The following CACNB1 variants were observed in gnomAD, a reference collection of about 807,000 sequenced individuals.
The protein encoded by CACNB1 is voltage-dependent L-type calcium channel subunit beta-1.
CACNB1 carries 29 observed loss-of-function variants against 71.6 expected under a neutral mutation model. That is an observed-to-expected ratio of 0.40 (90% CI 0.30 to 0.55). CACNB1 has a LOEUF of 0.55. Among genes scored for constraint, CACNB1 ranks in the 20% least tolerant of loss-of-function variants. CACNB1 has a pLI of 0.38. For synonymous variants in CACNB1, 300 were observed against 319.6 expected (o/e 0.94, Z 0.65); for missense variants, 623 against 801.8 (o/e 0.78, Z 2.69).
intron 4 of CACNB1, 152 bp downstream of exon 4, chr17:39,187,327 A>T (rs2045965722): frequency 3.4e-6 from 3 of 878,766 alleles, no homozygotes; most frequent in Non-Finnish European, 5.2e-6. Flanking sequence ...TTCCAGTAGA[A>T]AATTAAGAGG....
intron 12 of CACNB1, 39 bp from the exon 13 acceptor site, chr17:39,177,574 G>A: frequency 6.5e-7 from 1 of 1,526,796 alleles, no homozygotes. Flanking sequence ...TGGGATGAGT[G>A]GGGCATGGCC....
At chr17:39,180,441 G>A (rs1187368814) in intron 11 of CACNB1, among the ~76,000 whole-genome samples, 1 of 151,804 alleles carries the variant, frequency 6.6e-6, no homozygotes, top group Non-Finnish European at 1.5e-5. Context: ...GATCTTTTGA[G>A]GTCGGGAGTT....
At chr17:39,177,043 T>A in intron 13 of CACNB1, 1 of 1,224,710 alleles carries the variant, frequency 8.2e-7, no homozygotes, top group Non-Finnish European at 1.1e-6. Flanking sequence ...AGGCCTCATA[T>A]CCAGCGGGCA....
chr17:39,183,879 T>A lies in CACNB1; in HGVS notation c.899-15A>T. The A allele has an allele frequency of 1.2e-6, 2 of 1,608,722 alleles. No individual in the cohort carries two copies. The highest frequency in any genetic ancestry group is 3.3e-5 in the Admixed American group (2 of 59,812). On this transcript the variant is annotated splice_polypyrimidine_tract_variant and intron_variant, in intron 10 of 13. Transcript: ENST00000394303. ...CTGCACCTCAGCTGGGGGCATGGAG[T>A]CATGTGGATGGGGGAATGTCAGGTG...
At chr17:39,196,833 G>A (rs1219722696) in intron 1 of CACNB1, among the ~76,000 whole-genome samples, 1 of 152,018 alleles carries the variant, frequency 6.6e-6, no homozygotes, top group Non-Finnish European at 1.5e-5. Flanking sequence ...GGGGAGGGGA[G>A]CAGGTCCGAC....
intron 3 of CACNB1, among the ~76,000 whole-genome samples, chr17:39,189,826 G>T (rs1421242431): frequency 2.6e-5 from 4 of 151,674 alleles, no homozygotes; most frequent in African/African-American, 9.7e-5. Flanking sequence ...AAAATAAAAG[G>T]GGCAGCTGGG....
intron 1 of CACNB1, among the ~76,000 whole-genome samples, chr17:39,195,465 C>A (rs908044239): frequency 4.6e-4 from 70 of 152,232 alleles, no homozygotes; most frequent in African/African-American, 1.6e-3. Flanking sequence ...CAACCCAGGG[C>A]CCAGCCTGGC....
At position 39,191,597 on chromosome 17, in the gene CACNB1, A is replaced by G; in HGVS notation, c.172-4T>C. ...TGGTGTAGGACTCCGCTGAGCCCTG[A>G]AAATAGAGAGAGCCAGATCAGGGCC... is the stretch of plus-strand genomic sequence containing the variant. On this transcript the variant is annotated splice_region_variant and splice_polypyrimidine_tract_variant and intron_variant, in intron 2 of 13. Coordinates refer to ENST00000394303, the MANE Select transcript of CACNB1 (RefSeq NM_000723.5). 6.2e-7 allele frequency: 1 copy of G among 1,608,736 alleles called. No individual in the cohort carries two copies. The highest frequency in any genetic ancestry group is 8.5e-7 in the Non-Finnish European group (1 of 1,178,302).
At chr17:39,195,117 C>CACCCAGGA in intron 1 of CACNB1, 147 bp from the exon 2 acceptor site, 1 of 594,262 alleles carries the variant, frequency 1.7e-6, no homozygotes. Flanking sequence ...TGAGGTGGTA[C>CACCCAGGA]GACCCAAGGG....
At chr17:39,192,111 G>T (rs1248742209) in intron 2 of CACNB1, 2 of 165,808 alleles carry the variant, frequency 1.2e-5, no homozygotes, top group African/African-American at 4.8e-5. Context: ...AAGGGTAGAG[G>T]GAGACAGACT....
chr17:39,177,243 C>T (rs748256606), intron 13 of CACNB1, 107 bp downstream of exon 13: 5 of 1,581,238 alleles, frequency 3.2e-6, no homozygotes, highest in South Asian at 2.3e-5. Flanking sequence ...GCAGGGCGCC[C>T]ACTACATGGC....
At position 39,191,388 on chromosome 17, in the gene CACNB1, T is replaced by C. The variant is rs2046076983; in HGVS notation, c.291+86A>G. The C allele has an allele frequency of 3.6e-6, 5 of 1,393,082 alleles. No individual in the cohort carries two copies. In the African/African-American group the frequency reaches 4.4e-5, roughly 12 times the overall value. 86.3% of individuals were successfully genotyped at this position (1,393,082 alleles called of 1,614,324 possible). On this transcript the variant is annotated intron_variant, in intron 3 of 13. Coordinates refer to ENST00000394303, the MANE Select transcript of CACNB1 (RefSeq NM_000723.5). ...TACTAGGAAGTGGCTGGGTCAAGAC[T>C]TGGCCCTGGTTCTGTCTGGGCTCTC...
At position 39,186,596 on chromosome 17, in the gene CACNB1, G is replaced by C; in HGVS notation, c.552-24C>G. The C allele has an allele frequency of 6.2e-7, 1 of 1,606,858 alleles. No individual in the cohort carries two copies. The highest frequency in any genetic ancestry group is 1.7e-5 in the Admixed American group (1 of 59,784). The stretch of plus-strand genomic sequence containing the variant: ...TGCTGTGTGGGCAGAGGCAAACCGA[G>C]CTTGTGAGCAAAGAGGTGGGCGTGG... On this transcript the variant is annotated intron_variant, in intron 5 of 13. Transcript: ENST00000394303. The surrounding 1 kb of genome is among the most constrained non-coding windows in gnomAD (Gnocchi z 4.1).
At chr17:39,177,065 C>T in intron 13 of CACNB1, 2 of 1,365,626 alleles carry the variant, frequency 1.5e-6, no homozygotes, top group Non-Finnish European at 1.9e-6. Context: ...CAGATGCGCT[C>T]CTATGGCACC....
At chr17:39,176,991 C>T in intron 13 of CACNB1, 2 of 602,556 alleles carry the variant, frequency 3.3e-6, no homozygotes, top group East Asian at 3.5e-5. Flanking sequence ...CAGTCTTCCT[C>T]GCATGTCCTT....
chr17:39,191,775 C>A, intron 2 of CACNB1, 182 bp from the exon 3 acceptor site: 1 of 586,248 alleles, frequency 1.7e-6, no homozygotes, highest in South Asian at 2.3e-5. Context: ...TTTCTCAGGC[C>A]CCTGGGGAAA....
At chr17:39,182,250 C>G (rs1306240580) in intron 11 of CACNB1, among the ~76,000 whole-genome samples, 1 of 151,672 alleles carries the variant, frequency 6.6e-6, no homozygotes, top group East Asian at 1.9e-4. Flanking sequence ...ACCACTTGAA[C>G]CTGGGAGGCG....
At position 39,191,505 on chromosome 17, in the gene CACNB1, C is replaced by A; in HGVS notation, c.260G>T (p.Arg87Leu). The A allele has an allele frequency of 1.2e-6, 2 of 1,607,734 alleles. No homozygotes were observed. Among genetic ancestry groups the A allele is most frequent in the Non-Finnish European group, 8.5e-7 (1 of 1,178,166 alleles). ...CTTCTCGAGCTGCGCTAATGCCTGG[C>A]GCTCTGCTTCCTTCCTTAAGGCTTC... is the stretch of plus-strand genomic sequence containing the variant. ...DREALRKEAERQALAQLEKAK... is the reference protein window; with the variant it reads ...DREALRKEAELQALAQLEKAK... The change falls in exon 3 of 14, where the codon CGC becomes CTC. Residue 87 changes from arginine (R) to leucine (L), a missense_variant. By Grantham distance (102) the Arg-to-Leu change is moderately radical. Transcript: ENST00000394303.
chr17:39,177,545 C>CG lies in CACNB1; in HGVS notation c.1147-11dup. ...TGATGTCAAACATTTCCTGTGAAGG[C>CG]GGGGTTAGGGGGCAGGGCTGGGATG... On this transcript the variant is annotated splice_polypyrimidine_tract_variant and intron_variant, in intron 12 of 13. Coordinates refer to ENST00000394303, the MANE Select transcript of CACNB1 (RefSeq NM_000723.5). 6.4e-7 allele frequency: 1 copy of CG among 1,562,108 alleles called. No homozygotes were observed. The highest frequency in any genetic ancestry group is 8.7e-7 in the Non-Finnish European group (1 of 1,150,624).
Sources: gnomAD v4.1 joint callset for allele counts (sites outside exome capture counted in the v4.1 genomes callset) on GRCh38, gnomAD v4.1.1 for gene constraint, Gnocchi (gnomAD v3.1) non-coding constraint, MANE v1.5 for transcripts, NCBI Gene and HGNC (gene_info 2026-07-23, HGNC 2026-07-21) for gene names.